The following GLUD1 variants were observed in gnomAD, a reference collection of about 807,000 sequenced individuals.
GLUD1 encodes glutamate dehydrogenase 1.
Under a neutral mutation model 56.0 loss-of-function variants are expected in GLUD1, and 22 were observed. That is an observed-to-expected ratio of 0.39 (90% confidence interval 0.28 to 0.56). The LOEUF is 0.56. Among genes scored for constraint, GLUD1 ranks in the 20% least tolerant of loss-of-function variants. The pLI, the probability that GLUD1 is intolerant of heterozygous loss-of-function variation, is 0.58. For missense variants in GLUD1, 451 were observed against 732.0 expected, an observed-to-expected ratio of 0.62 and a Z score of 4.43; for synonymous variants, 223 against 269.9, an observed-to-expected ratio of 0.83 and a Z score of 1.70.
chr10:87,053,564 T>C (rs1192401322), intron 11 of GLUD1, among the ~76,000 whole-genome samples, 160 bp from the exon 12 acceptor site: 3 of 152,222 alleles, frequency 2.0e-5, no homozygotes, highest in South Asian at 2.1e-4. Context: ...AGATACAGTA[T>C]CTTGATACTT....
rs189058682 is a variant in GLUD1 at position 87,078,560 on chromosome 10, C to G, written c.446-1904G>C. Among the ~76,000 whole-genome samples, 8 of 152,290 alleles carry G rather than the reference C, an allele frequency of 5.3e-5. No individual in the cohort carries two copies. In the East Asian group the frequency reaches 1.2e-3, roughly 22 times the overall value. On this transcript the variant is annotated intron_variant, in intron 1 of 12. Coordinates refer to ENST00000277865, the MANE Select transcript of GLUD1 (RefSeq NM_005271.5). ...TCCTGGTTCCTAACATAGAAAATGG[C>G]ATATATTAGGCACTCAAATACATGC...
chr10:87,060,899 A>G lies in GLUD1; in HGVS notation c.1059+16T>C, dbSNP rs975459519. 1 of 1,613,778 alleles carries G rather than the reference A, an allele frequency of 6.2e-7. No individual in the cohort carries two copies. On this transcript the variant is annotated intron_variant, in intron 7 of 12. Coordinates refer to ENST00000277865, the MANE Select transcript of GLUD1 (RefSeq NM_005271.5). ...TATTTATATTTAGTGTCTATGCTAT[A>G]AAAATGTATTAATACCAATTTGAAG...
intron 6 of GLUD1, 73 bp downstream of exon 6, chr10:87,062,583 A>G (rs1338989607): frequency 1.2e-5 from 13 of 1,113,016 alleles, no homozygotes; most frequent in Non-Finnish European, 1.7e-5. Context: ...TAAAATTACA[A>G]TTCTAAAAAC....
intron 9 of GLUD1, among the ~76,000 whole-genome samples, chr10:87,059,477 A>G (rs200247709): frequency 5.9e-5 from 1 of 17,070 alleles, no homozygotes; most frequent in East Asian, 3.1e-3. Context: ...TCTATTTAGG[A>G]AAAAAAAAAA....
At chr10:87,056,632 G>C (rs961167252) in intron 11 of GLUD1, among the ~76,000 whole-genome samples, 1 of 152,046 alleles carries the variant, frequency 6.6e-6, no homozygotes, top group Non-Finnish European at 1.5e-5. Context: ...GCATGGAGTG[G>C]TTCCTCCTCT....
rs1453729366 is a variant in GLUD1 at position 87,062,737 on chromosome 10, A to G, written c.840T>C (p.Ile280=). The G allele has an allele frequency of 6.2e-7, 1 of 1,614,200 alleles. No homozygotes were observed. The highest frequency in any genetic ancestry group is 2.2e-5 in the East Asian group (1 of 44,880). ...SATGRGVFHG[I]ENFINEASYM... is the part of the protein sequence containing the mutation. ...AAGAAGCTTCATTGATGAAATTTTCAATCCCATGGAAGACACCACGGCCAG... is the reference window on the plus strand; with the variant it reads ...AAGAAGCTTCATTGATGAAATTTTCGATCCCATGGAAGACACCACGGCCAG... The change falls in exon 6 of 13, where the codon ATT becomes ATC. Residue 280 remains isoleucine (I), a synonymous_variant. Coordinates refer to ENST00000277865, the MANE Select transcript of GLUD1 (RefSeq NM_005271.5).
At chr10:87,092,353 A>G (rs1841528156) in intron 1 of GLUD1, among the ~76,000 whole-genome samples, 1 of 152,238 alleles carries the variant, frequency 6.6e-6, no homozygotes. Flanking sequence ...TGTTCTATCA[A>G]TGCTTGCAAC....
chr10:87,052,332 C>G (rs992213170), intron 12 of GLUD1, among the ~76,000 whole-genome samples: 1 of 151,882 alleles, frequency 6.6e-6, no homozygotes, highest in African/African-American at 2.4e-5. Context: ...ATTAAAAATA[C>G]AAAAAATTAA....
intron 5 of GLUD1, among the ~76,000 whole-genome samples, chr10:87,065,205 A>G (rs1846042051): frequency 1.4e-5 from 2 of 144,868 alleles, no homozygotes; most frequent in South Asian, 4.6e-4. Flanking sequence ...AGGCAGGAGA[A>G]TTGCTTGAAC....
chr10:87,069,523 A>AG (rs1294932860), intron 4 of GLUD1, among the ~76,000 whole-genome samples: 1 of 151,682 alleles, frequency 6.6e-6, no homozygotes, highest in Non-Finnish European at 1.5e-5. Flanking sequence ...TCAAAAAAAA[A>AG]AAAAAAAAAA....
chr10:87,088,117 AAG>A (rs1206012742), intron 1 of GLUD1, among the ~76,000 whole-genome samples: 2 of 151,580 alleles, frequency 1.3e-5, no homozygotes, highest in Non-Finnish European at 2.9e-5. Context: ...ATAAACAAAC[AAG>A]ATTGTCCTTG....
intron 1 of GLUD1, 62 bp from the exon 2 acceptor site, chr10:87,076,718 C>T (rs1250419340): frequency 1.1e-6 from 1 of 932,170 alleles, no homozygotes; most frequent in East Asian, 2.4e-5. Flanking sequence ...ATATTTAGAA[C>T]AAACTTAAGT....
intron 1 of GLUD1, among the ~76,000 whole-genome samples, chr10:87,080,017 T>C (rs1266023794): frequency 1.3e-5 from 2 of 149,556 alleles, no homozygotes; most frequent in African/African-American, 2.4e-5. Context: ...GCTGCCATCT[T>C]AGCTCACTGC....
At chr10:87,065,940 C>T (rs751015235) in intron 5 of GLUD1, among the ~76,000 whole-genome samples, 26 of 152,092 alleles carry the variant, frequency 1.7e-4, no homozygotes, top group Non-Finnish European at 2.8e-4. Context: ...TGTTCCCAGC[C>T]ACAGCATGAC....
At chr10:87,074,222 C>G (rs1006444311) in intron 4 of GLUD1, among the ~76,000 whole-genome samples, 1 of 152,026 alleles carries the variant, frequency 6.6e-6, no homozygotes, top group African/African-American at 2.4e-5. Context: ...AGTAGGAGGC[C>G]GGGCACAGTG....
At chr10:87,086,779 C>T (rs1841392785) in intron 1 of GLUD1, among the ~76,000 whole-genome samples, 2 of 145,888 alleles carry the variant, frequency 1.4e-5, no homozygotes. Flanking sequence ...TGCAGTAAGC[C>T]AAGATCGCGC....
At chr10:87,081,281 G>A (rs543577443) in intron 1 of GLUD1, among the ~76,000 whole-genome samples, 26 of 148,780 alleles carry the variant, frequency 1.7e-4, no homozygotes, top group African/African-American at 6.2e-4. Flanking sequence ...GGGAAGTGAG[G>A]AGCCCCTCTG....
At chr10:87,084,193 C>T (rs1841330344) in intron 1 of GLUD1, among the ~76,000 whole-genome samples, 1 of 152,240 alleles carries the variant, frequency 6.6e-6, no homozygotes, top group African/African-American at 2.4e-5. Context: ...GTATGTACTA[C>T]AATGGGAACT....
chr10:87,080,519 A>T (rs1589377353), intron 1 of GLUD1, among the ~76,000 whole-genome samples: 1 of 143,136 alleles, frequency 7.0e-6, no homozygotes, highest in Admixed American at 6.9e-5. Flanking sequence ...CCGCCATCCC[A>T]TCTAGGAAGT....
Sources: allele counts gnomAD v4.1 joint callset (sites outside exome capture counted in the v4.1 genomes callset), GRCh38; gene constraint gnomAD v4.1.1; transcripts MANE v1.5; gene names NCBI Gene and HGNC (gene_info 2026-07-23, HGNC 2026-07-21).